LAMP5: variants seen among roughly 807,000 people sequenced by gnomAD.
LAMP5 encodes the protein lysosome-associated membrane glycoprotein 5.
Under a neutral mutation model 30.2 loss-of-function variants are expected in LAMP5, and 36 were observed. The ratio of observed to expected loss-of-function variants is 1.19; its 90% CI spans 0.91 to 1.57. The LOEUF (loss-of-function observed/expected upper bound fraction) is 1.57. Ranked by LOEUF, LAMP5 falls within the 40% of genes most tolerant of loss-of-function variation. The pLI, the probability that LAMP5 is intolerant of heterozygous loss-of-function variation, is 0.00. For synonymous variants in LAMP5, 149 were observed against 134.6 expected, an observed-to-expected ratio of 1.11 and a Z score of -0.74; for missense variants, 377 against 354.9, an observed-to-expected ratio of 1.06 and a Z score of -0.50.
rs528690239 is a variant in LAMP5 at position 9,525,803 on chromosome 20, T to C, written c.665-3839T>C. On this transcript the variant is annotated intron_variant, in intron 5 of 5. Transcript: ENST00000246070. ...CCCTCCCTGTCCTGAATACTTGTAG[T>C]TGGGGCCACACAGAACACCACCTGT... Among the ~76,000 whole-genome samples, 16 of 152,276 alleles carry C rather than the reference T, an allele frequency of 1.1e-4. No homozygotes were observed. The East Asian group carries it at 2.1e-3, about 20-fold the overall frequency.
At chr20:9,521,822 G>A (rs772524662) in intron 5 of LAMP5, among the ~76,000 whole-genome samples, 1 of 152,122 alleles carries the variant, frequency 6.6e-6, no homozygotes, top group Non-Finnish European at 1.5e-5. Flanking sequence ...TATGTATTAT[G>A]TCAGAAAAAA....
intron 5 of LAMP5, among the ~76,000 whole-genome samples, chr20:9,525,579 C>A (rs1188512742): frequency 6.6e-6 from 1 of 152,178 alleles, no homozygotes; most frequent in African/African-American, 2.4e-5. Flanking sequence ...TCTATGGAGA[C>A]CACTAAAAGT....
At chr20:9,519,880 T>C (rs1875170720) in intron 5 of LAMP5, among the ~76,000 whole-genome samples, 1 of 152,242 alleles carries the variant, frequency 6.6e-6, no homozygotes, top group South Asian at 2.1e-4. Context: ...CTTACCATTC[T>C]GTGTTATTTT....
chr20:9,518,072 TC>T lies in LAMP5; in HGVS notation c.509del (p.Ser170LeufsTer32). 1 of 1,614,102 alleles carries T rather than the reference TC, an allele frequency of 6.2e-7. No homozygotes were observed. The highest frequency in any genetic ancestry group is 8.5e-7 in the Non-Finnish European group (1 of 1,180,038). ...GKHTANSHHL[S>X]ALVTPAGKSY... The stretch of plus-strand genomic sequence containing the variant: ...GCACACAGCCAACTCGCACCACCTC[TC>T]TGCCTTGGTCACCCCCGCTGGGAAG... On this transcript the variant is annotated frameshift_variant, in exon 5 of 6. Coordinates refer to ENST00000246070, the MANE Select transcript of LAMP5 (RefSeq NM_012261.4). LOFTEE classifies it high-confidence loss of function.
At chr20:9,522,528 T>A (rs2045085806) in intron 5 of LAMP5, among the ~76,000 whole-genome samples, 1 of 152,190 alleles carries the variant, frequency 6.6e-6, no homozygotes. Context: ...AGCTGAGAAC[T>A]GTGTTGAGGA....
At chr20:9,516,883 T>A (rs1021453710) in intron 4 of LAMP5, among the ~76,000 whole-genome samples, 3 of 152,124 alleles carry the variant, frequency 2.0e-5, no homozygotes, top group Non-Finnish European at 4.4e-5. Context: ...TTCTGCACCA[T>A]GTATAATTTA....
Position 9,520,534 on chromosome 20 carries a change from C to T in LAMP5, c.664+2306C>T, listed in dbSNP as rs144017781. Among the ~76,000 whole-genome samples the T allele has an allele frequency of 2.3e-3, 343 of 151,952 alleles. 2 individuals carry two copies. Among genetic ancestry groups the T allele is most frequent in the African/African-American group, 8.0e-3 (333 of 41,422 alleles). On this transcript the variant is annotated intron_variant, in intron 5 of 5. Transcript: ENST00000246070. ...ATGCTTGCATGGAGAAGGAATATCA[C>T]GTCATATATCTGCACACCTACTGCA...
At chr20:9,528,099 A>G (rs2045125978) in intron 5 of LAMP5, among the ~76,000 whole-genome samples, 1 of 152,240 alleles carries the variant, frequency 6.6e-6, no homozygotes, top group Non-Finnish European at 1.5e-5. Context: ...TGGTGCATAT[A>G]CATAATTGAA....
chr20:9,520,924 G>A (rs1293405932), intron 5 of LAMP5, among the ~76,000 whole-genome samples: 2 of 151,412 alleles, frequency 1.3e-5, no homozygotes, highest in Non-Finnish European at 2.9e-5. Flanking sequence ...GCTTCAATGT[G>A]CAATGACTGT....
At chr20:9,517,931 A>G in intron 4 of LAMP5, 109 bp from the exon 5 acceptor site, 2 of 892,068 alleles carry the variant, frequency 2.2e-6, no homozygotes, top group East Asian at 2.6e-5. Context: ...GGGAACAGAG[A>G]GGACAGGAGG....
At position 9,529,781 on chromosome 20, in the gene LAMP5, G is replaced by C. The variant is rs2045137984; in HGVS notation, c.804G>C (p.Gln268His). 1.2e-6 allele frequency: 2 copies of C among 1,614,112 alleles called. No homozygotes were observed. Among genetic ancestry groups the C allele is most frequent in the South Asian group, 2.2e-5 (2 of 91,096 alleles). Residue 268 changes from glutamine (Q) to histidine (H), a missense_variant, in exon 6 of 6, where the codon CAG becomes CAC. Physicochemically the swap from Gln to His is conservative, Grantham distance 24 (BLOSUM62 0). Transcript: ENST00000246070. ...VHHKMTANQV[Q>H]IPRDRSQYKH... Reference sequence around the variant, plus strand: ...ACAAAATGACTGCCAACCAGGTGCAGATCCCTCGGGACAGATCCCAGTATA... The same window carrying C: ...ACAAAATGACTGCCAACCAGGTGCACATCCCTCGGGACAGATCCCAGTATA...
chr20:9,519,053 C>G (rs1362259465), intron 5 of LAMP5, among the ~76,000 whole-genome samples: 1 of 152,146 alleles, frequency 6.6e-6, no homozygotes, highest in African/African-American at 2.4e-5. Flanking sequence ...ATCTCAGCAC[C>G]CCTGCAGAGG....
chr20:9,515,862 G>A (rs551811562), intron 2 of LAMP5, 138 bp from the exon 3 acceptor site: 13 of 1,064,456 alleles, frequency 1.2e-5, no homozygotes, highest in Non-Finnish European at 5.2e-6. Flanking sequence ...GCATCTAACC[G>A]CATGTTCCCG....
intron 5 of LAMP5, among the ~76,000 whole-genome samples, chr20:9,528,648 A>G (rs2045130144): frequency 6.6e-6 from 1 of 152,174 alleles, no homozygotes; most frequent in South Asian, 2.1e-4. Context: ...TAATCAACAA[A>G]TCTAAAATGT....
rs186841002 is a variant in LAMP5 at position 9,529,718 on chromosome 20, C to T, written c.741C>T (p.Leu247=). The change falls in exon 6 of 6, where the codon CTC becomes CTT. Residue 247 remains leucine (L), a synonymous_variant. Coordinates refer to ENST00000246070, the MANE Select transcript of LAMP5 (RefSeq NM_012261.4). The part of the protein sequence containing the change: ...LPLILGLILG[L]VIMVTLAIYH... ...TGATTTTGGGGCTCATCTTGGGCCT[C>T]GTCATCATGGTAACACTCGCGATTT... The T allele has an allele frequency of 7.3e-4, 1,174 of 1,614,132 alleles. No individual in the cohort carries two copies. The highest frequency in any genetic ancestry group is 9.6e-4 in the Non-Finnish European group (1,128 of 1,180,010).
At chr20:9,526,901 T>TATATATATATATAC (rs1484307399) in intron 5 of LAMP5, among the ~76,000 whole-genome samples, 1 of 114,416 alleles carries the variant, frequency 8.7e-6, no homozygotes, top group Non-Finnish European at 1.8e-5. Flanking sequence ...TATATATATA[T>TATATATATATATAC]ACACACACAT....
In LAMP5 at chr20:9,514,656, G is replaced by T; in HGVS notation, c.-197G>T. 1.4e-3 allele frequency: 623 copies of T among 437,564 alleles called. No homozygotes were observed. The highest frequency in any genetic ancestry group is 3.8e-3 in the East Asian group (80 of 21,078). The allele number at this position is 437,564 out of a possible 1,614,324, so 27.1% of individuals were successfully genotyped here. A position where few individuals can be genotyped will look rare whatever the true frequency, so the allele number is the denominator to read the frequency against. On this transcript the variant is annotated 5_prime_UTR_variant, in exon 1 of 6. Transcript: ENST00000246070. The stretch of plus-strand genomic sequence containing the variant: ...CCTTTCCTCCGCAGTGAGCCGATTT[G>T]CTCTGCCAGCAGCTGTCGGTGCCGC...
intron 2 of LAMP5, 84 bp from the exon 3 acceptor site, chr20:9,515,916 C>A: frequency 7.1e-7 from 1 of 1,400,776 alleles, no homozygotes; most frequent in Middle Eastern, 2.4e-4. Context: ...AAGCGTGCAA[C>A]CCAGAGTTTG....
At chr20:9,524,270 G>A (rs1001700591) in intron 5 of LAMP5, among the ~76,000 whole-genome samples, 3 of 152,052 alleles carry the variant, frequency 2.0e-5, no homozygotes, top group Admixed American at 6.6e-5. Context: ...ATTATTCCGA[G>A]AAGGGGTCCT....
Sources: allele counts gnomAD v4.1 joint callset (sites outside exome capture counted in the v4.1 genomes callset), GRCh38; gene constraint gnomAD v4.1.1; transcripts MANE v1.5; gene names NCBI Gene and HGNC (gene_info 2026-07-23, HGNC 2026-07-21).